The following NUP210 variants were observed in gnomAD, a reference collection of about 807,000 sequenced individuals.
NUP210 encodes nucleoporin 210.
NUP210 carries 151 observed loss-of-function variants against 196.0 expected under a neutral mutation model. The observed-to-expected ratio is 0.77, with a 90% CI of 0.67 to 0.88. NUP210 has a LOEUF of 0.88. Among genes scored for constraint, NUP210 ranks in the 40% least tolerant of loss-of-function variants. NUP210 has a pLI of 0.00. For synonymous variants in NUP210, 1,070 were observed against 1,052.7 expected, an observed-to-expected ratio of 1.02 and a Z score of -0.32; for missense variants, 2,314 against 2,493.7, an observed-to-expected ratio of 0.93 and a Z score of 1.53.
In NUP210 at chr3:13,375,487, T is replaced by TGA. The variant is rs1416504195; in HGVS notation, c.1431+15_1431+16dup. ...AACACCAAAGGAATGCACGCAGAGGTGAGGGGTCTCACGTACCCTTATTGT... is the reference window on the plus strand; with the variant it reads ...AACACCAAAGGAATGCACGCAGAGGTGAGAGGGGTCTCACGTACCCTTATTGT... On this transcript the variant is annotated intron_variant, in intron 11 of 39. Transcript: ENST00000254508. 6.2e-7 allele frequency: 1 copy of TGA among 1,610,798 alleles called. No individual in the cohort carries two copies. Among genetic ancestry groups the TGA allele is most frequent in the Non-Finnish European group, 8.5e-7 (1 of 1,177,670 alleles).
In NUP210 at chr3:13,399,830, C is replaced by G; in HGVS notation, c.199G>C (p.Glu67Gln). The G allele has an allele frequency of 6.2e-7, 1 of 1,611,986 alleles. No homozygotes were observed. The highest frequency in any genetic ancestry group is 8.5e-7 in the Non-Finnish European group (1 of 1,179,100). The change falls in exon 2 of 40, where the codon GAG (glutamate) becomes CAG (glutamine). Residue 67 changes from glutamate (E) to glutamine (Q), a missense_variant. Transcript: ENST00000254508. ...TGCTGCTCGTCCAGGCCCAGCGGCT[C>G]GATGCTGGCCACCTCCGGCCGGGTG... ...LSTRPEVASI[E>Q]PLGLDEQQCS...
Position 13,323,398 on chromosome 3 carries a change from C to G in NUP210, c.4679G>C (p.Arg1560Pro). The G allele has an allele frequency of 6.2e-7, 1 of 1,614,088 alleles. No individual in the cohort carries two copies. The highest frequency in any genetic ancestry group is 8.5e-7 in the Non-Finnish European group (1 of 1,179,994). ...GCTGGTCTGGATGGGGTGGAGGTGA[C>G]GGGCCATGATCCTCTGAGGGACGCT... The part of the protein sequence containing the change: ...VVSVPQRIMA[R>P]HLHPIQTSFQ... The change falls in exon 34 of 40, where the codon CGT becomes CCT. Residue 1560 changes from arginine (R) to proline (P), a missense_variant. By Grantham distance (103) the Arg-to-Pro change is moderately radical. Coordinates refer to ENST00000254508, the MANE Select transcript of NUP210 (RefSeq NM_024923.4). This position sits in a 1 kb window ranked among gnomAD's most constrained non-coding sequence, Gnocchi z 4.3.
chr3:13,366,000 G>A lies in NUP210; in HGVS notation c.1878C>T (p.His626=), dbSNP rs771935308. 2.2e-5 allele frequency: 36 copies of A among 1,614,110 alleles called. No individual in the cohort carries two copies. The African/African-American group carries it at 3.2e-4, about 14-fold the overall frequency. The change falls in exon 14 of 40, where the codon CAC becomes CAT. Residue 626 remains histidine (H), a synonymous_variant. Transcript: ENST00000254508. The stretch of plus-strand genomic sequence containing the variant: ...TCTTGGCACTCAGGTGGACGTGGCC[G>A]TGTCTGTAGCTCACAAGAAGCGTGG... ...GSTTLLVSYR[H]GHVHLSAKIT... is the part of the protein sequence containing the mutation.
rs761868669 is a variant in NUP210, at chr3:13,365,967, A to G, written c.1911T>C (p.Ile637=). 5 of 1,614,144 alleles carry G rather than the reference A, an allele frequency of 3.1e-6. No homozygotes were observed. The highest frequency in any genetic ancestry group is 2.2e-5 in the South Asian group (2 of 91,082). Residue 637 remains isoleucine, a synonymous_variant, in exon 14 of 40, where the codon ATT becomes ATC. Coordinates refer to ENST00000254508, the MANE Select transcript of NUP210 (RefSeq NM_024923.4). ...GHVHLSAKIT[I]AAYLPLKAVD... ...TCACCTTGAGGGGCAGGTAGGCAGC[A>G]ATGGTGATCTTGGCACTCAGGTGGA...
At chr3:13,355,148 G>A (rs1044467445) in intron 16 of NUP210, among the ~76,000 whole-genome samples, 1 of 152,214 alleles carries the variant, frequency 6.6e-6, no homozygotes, top group African/African-American at 2.4e-5. Flanking sequence ...GGACTGCAAG[G>A]TCATTTTAGA....
At chr3:13,362,537 C>T (rs532712200) in intron 14 of NUP210, among the ~76,000 whole-genome samples, 2 of 152,300 alleles carry the variant, frequency 1.3e-5, no homozygotes, top group Admixed American at 1.3e-4. Context: ...CAAGGTGTTT[C>T]GTTAAGGCGA....
chr3:13,390,069 T>C lies in NUP210; in HGVS notation c.533+1142A>G, dbSNP rs559603997. Among the ~76,000 whole-genome samples, 179 of 152,220 alleles carry C rather than the reference T, an allele frequency of 1.2e-3. 1 individual carries two copies. Among genetic ancestry groups the C allele is most frequent in the Non-Finnish European group, 2.0e-3 (134 of 67,988 alleles). Reference sequence around the variant, plus strand: ...TTGGGGCTGGGATCCTTCTTTTTACTGAAAAGGATAAAGCTGGGACAAATG... The same window carrying C: ...TTGGGGCTGGGATCCTTCTTTTTACCGAAAAGGATAAAGCTGGGACAAATG... On this transcript the variant is annotated intron_variant, in intron 4 of 39. Coordinates refer to ENST00000254508, the MANE Select transcript of NUP210 (RefSeq NM_024923.4).
chr3:13,415,043 C>G (rs1238507802), intron 1 of NUP210, among the ~76,000 whole-genome samples: 2 of 152,204 alleles, frequency 1.3e-5, no homozygotes, highest in Non-Finnish European at 2.9e-5. Flanking sequence ...CTAGACCATC[C>G]TGGCCAACAT....
At chr3:13,339,524 A>C (rs1697371191) in intron 25 of NUP210, among the ~76,000 whole-genome samples, 1 of 152,258 alleles carries the variant, frequency 6.6e-6, no homozygotes, top group African/African-American at 2.4e-5. Flanking sequence ...ATGAAGGCAA[A>C]GTGCTCAGAG....
In NUP210 at chr3:13,379,477, T is replaced by G; in HGVS notation, c.976+86A>C. 6.5e-7 allele frequency: 1 copy of G among 1,548,998 alleles called. No homozygotes were observed. The highest frequency in any genetic ancestry group is 8.9e-7 in the Non-Finnish European group (1 of 1,126,150). The stretch of plus-strand genomic sequence containing the variant: ...GAGGGGAAACGGCTATTTTTAGCCC[T>G]GCCGAGCTTTCAGGGAAAAAAAGAC... On this transcript the variant is annotated intron_variant, in intron 7 of 39. Transcript: ENST00000254508. This position sits in a 1 kb window ranked among gnomAD's most constrained non-coding sequence, Gnocchi z 4.2.
chr3:13,319,295 T>C lies in NUP210; in HGVS notation c.5414A>G (p.Asp1805Gly), dbSNP rs753675831. ...CGTGAAGAACATGACCTGGTAGGAATCCAGGAAGTGCTGGAAGAGGCTGGC... is the reference window on the plus strand; with the variant it reads ...CGTGAAGAACATGACCTGGTAGGAACCCAGGAAGTGCTGGAAGAGGCTGGC... Reference protein sequence around the residue: ...YGASLFQHFLDSYQVMFFTLF... With the variant: ...YGASLFQHFLGSYQVMFFTLF... Residue 1805 changes from aspartate to glycine, a missense_variant, in exon 38 of 40, where the codon GAT becomes GGT. Physicochemically the swap from Asp to Gly is moderately conservative, Grantham distance 94. Transcript: ENST00000254508. 18 of 1,612,392 alleles carry C rather than the reference T, an allele frequency of 1.1e-5. No homozygotes were observed. Among genetic ancestry groups the C allele is most frequent in the Middle Eastern group, 1.6e-4 (1 of 6,082 alleles).
chr3:13,370,318 C>T (rs376540997), intron 13 of NUP210, among the ~76,000 whole-genome samples: 2 of 152,164 alleles, frequency 1.3e-5, no homozygotes, highest in Non-Finnish European at 2.9e-5. Flanking sequence ...CCTGGAGAAA[C>T]GCCCTGCATC....
rs1368879343 is a variant in NUP210, at chr3:13,391,292, G to A, written c.452C>T (p.Thr151Ile). ...CCACTCGAAGACCAGTCCAGCCAGA[G>A]TGCTGAAGGTGTTCCCTATAAGAGC... ...ALDSEGNTFSTLAGLVFEWTI... is the reference protein window; with the variant it reads ...ALDSEGNTFSILAGLVFEWTI... The change falls in exon 4 of 40, where the codon ACT becomes ATT. Residue 151 changes from threonine to isoleucine, a missense_variant. Transcript: ENST00000254508. 6.2e-7 allele frequency: 1 copy of A among 1,609,860 alleles called. No individual in the cohort carries two copies. The highest frequency in any genetic ancestry group is 1.1e-5 in the South Asian group (1 of 90,058).
intron 21 of NUP210, among the ~76,000 whole-genome samples, chr3:13,342,771 G>T (rs376802678): frequency 1.3e-5 from 2 of 152,284 alleles, no homozygotes; most frequent in East Asian, 1.9e-4. Context: ...AATGGCGCTT[G>T]GCATGGGTGA....
chr3:13,332,735 A>C (rs527773192), intron 28 of NUP210, among the ~76,000 whole-genome samples: 2 of 107,168 alleles, frequency 1.9e-5, no homozygotes, highest in East Asian at 4.4e-4. Context: ...TCACACACAC[A>C]CACACACATG....
intron 4 of NUP210, 152 bp downstream of exon 4, chr3:13,391,059 T>G: frequency 1.6e-6 from 1 of 628,566 alleles, no homozygotes; most frequent in South Asian, 1.8e-5. Flanking sequence ...ATCCCATTCC[T>G]CAATCAGACA....
In NUP210 at chr3:13,348,955, C is replaced by T. The variant is rs1446258841; in HGVS notation, c.2835+2924G>A. On this transcript the variant is annotated intron_variant, in intron 20 of 39. Transcript: ENST00000254508. The surrounding 1 kb of genome is among the most constrained non-coding windows in gnomAD (Gnocchi z 4.0). ...ACAAAAATAGAGATCTCTATTTTCT[C>T]TTGAAAATCAGAAGCTCTTGCCTCA... The T allele has an allele frequency of 1.1e-6, 1 of 937,100 alleles. No individual in the cohort carries two copies. Among genetic ancestry groups the T allele is most frequent in the Non-Finnish European group, 1.3e-6 (1 of 796,790 alleles). 58.0% of individuals were successfully genotyped at this position (937,100 alleles called of 1,614,324 possible).
chr3:13,322,088 C>A, intron 35 of NUP210, 105 bp downstream of exon 35: 1 of 1,405,246 alleles, frequency 7.1e-7, no homozygotes, highest in East Asian at 2.3e-5. Context: ...AATCTCTGCC[C>A]TCTGGACAGA....
intron 3 of NUP210, 31 bp from the exon 4 acceptor site, chr3:13,391,338 T>A (rs1418443500): frequency 6.8e-7 from 1 of 1,467,040 alleles, no homozygotes. Flanking sequence ...GGCAGACAGA[T>A]ATGGAGTTAA....
Sources: gnomAD v4.1 joint callset for allele counts (sites outside exome capture counted in the v4.1 genomes callset) on GRCh38, gnomAD v4.1.1 for gene constraint, Gnocchi (gnomAD v3.1) non-coding constraint, MANE v1.5 for transcripts, NCBI Gene and HGNC (gene_info 2026-07-23, HGNC 2026-07-21) for gene names.